Variants in PSMD14 observed in about 807,000 individuals in gnomAD.
The protein encoded by PSMD14 is ubiquitin C-terminal hydrolase PSMD14.
Under a neutral mutation model 41.2 loss-of-function variants are expected in PSMD14, and 7 were observed. The ratio of observed to expected loss-of-function variants is 0.17; its 90% CI spans 0.10 to 0.32. The LOEUF (loss-of-function observed/expected upper bound fraction) is 0.32, where lower values mean the gene tolerates loss of function less well. Ranked by LOEUF, PSMD14 falls within the 10% of genes least tolerant of loss-of-function variation. The pLI is 1.00. For missense variants in PSMD14, 139 were observed against 375.6 expected, an observed-to-expected ratio of 0.37 and a Z score of 5.21; for synonymous variants, 114 against 122.3, an observed-to-expected ratio of 0.93 and a Z score of 0.45.
At chr2:161,355,703 G>A (rs1479349387) in intron 3 of PSMD14, among the ~76,000 whole-genome samples, 6 of 152,074 alleles carry the variant, frequency 3.9e-5, no homozygotes, top group Non-Finnish European at 7.4e-5. Flanking sequence ...TAATTGGAAA[G>A]GTGTATTAAC....
chr2:161,372,917 G>A (rs763885310), intron 7 of PSMD14, among the ~76,000 whole-genome samples: 8 of 151,740 alleles, frequency 5.3e-5, no homozygotes, highest in East Asian at 1.9e-4. Context: ...TTCAACTTAG[G>A]TTTTATGATA....
At chr2:161,354,342 C>T (rs1027665640) in intron 3 of PSMD14, among the ~76,000 whole-genome samples, 2 of 152,152 alleles carry the variant, frequency 1.3e-5, no homozygotes, top group Non-Finnish European at 2.9e-5. Flanking sequence ...ACTTCCCAGG[C>T]TCAAATGATC....
chr2:161,338,341 G>GT (rs34156868), intron 3 of PSMD14, among the ~76,000 whole-genome samples: 51 of 133,052 alleles, frequency 3.8e-4, no homozygotes, highest in South Asian at 1.9e-3. Context: ...GGTTAGGAGA[G>GT]TTTTTTTTTT....
chr2:161,317,424 A>G (rs1689158899), intron 2 of PSMD14, among the ~76,000 whole-genome samples: 1 of 152,198 alleles, frequency 6.6e-6, no homozygotes, highest in Non-Finnish European at 1.5e-5. Flanking sequence ...CAGCCAAACT[A>G]ATCTGTGCTG....
At chr2:161,385,635 T>G in intron 8 of PSMD14, 64 bp downstream of exon 8, 1 of 904,312 alleles carries the variant, frequency 1.1e-6, no homozygotes, top group Non-Finnish European at 1.7e-6. Flanking sequence ...CTATAAGTAG[T>G]CTTTTTAAGT....
At chr2:161,311,159 A>G (rs1303868977) in intron 1 of PSMD14, among the ~76,000 whole-genome samples, 1 of 152,080 alleles carries the variant, frequency 6.6e-6, no homozygotes. Context: ...AAATACAAAA[A>G]TTAGCCGGGC....
intron 10 of PSMD14, among the ~76,000 whole-genome samples, chr2:161,405,089 A>G (rs995383265): frequency 2.0e-5 from 3 of 152,068 alleles, no homozygotes; most frequent in Admixed American, 2.0e-4. Flanking sequence ...CTTTTTCATG[A>G]CAGTTCCCTC....
intron 3 of PSMD14, among the ~76,000 whole-genome samples, chr2:161,338,634 G>A (rs1179452487): frequency 6.6e-6 from 1 of 152,066 alleles, no homozygotes; most frequent in Admixed American, 6.5e-5. Context: ...TAGGCCTTTT[G>A]TATGTTTTTA....
At chr2:161,392,797 A>G (rs1379829069) in intron 9 of PSMD14, among the ~76,000 whole-genome samples, 4 of 152,148 alleles carry the variant, frequency 2.6e-5, no homozygotes, top group South Asian at 2.1e-4. Context: ...TTAAGTTTAC[A>G]TGGAATGAGT....
intron 10 of PSMD14, among the ~76,000 whole-genome samples, chr2:161,403,124 T>G (rs1210807877): frequency 6.6e-6 from 1 of 152,168 alleles, no homozygotes; most frequent in African/African-American, 2.4e-5. Context: ...TCACATTAGC[T>G]AAAGTTGGAG....
chr2:161,330,688 G>A (rs1319199014), intron 3 of PSMD14, among the ~76,000 whole-genome samples: 1 of 152,180 alleles, frequency 6.6e-6, no homozygotes. Context: ...CCAGAGCAGG[G>A]CAGTGGTCTC....
intron 3 of PSMD14, among the ~76,000 whole-genome samples, chr2:161,349,163 T>TA (rs1388171875): frequency 6.6e-6 from 1 of 152,248 alleles, no homozygotes; most frequent in Non-Finnish European, 1.5e-5. Context: ...AAACTGCAAT[T>TA]ACTTTTGCAT....
At chr2:161,324,557 G>T (rs1682665337) in intron 3 of PSMD14, among the ~76,000 whole-genome samples, 1 of 152,034 alleles carries the variant, frequency 6.6e-6, no homozygotes, top group South Asian at 2.1e-4. Context: ...GGTTATGAAA[G>T]GTGTTGAATG....
chr2:161,346,174 T>C (rs530905989), intron 3 of PSMD14, among the ~76,000 whole-genome samples: 1 of 152,332 alleles, frequency 6.6e-6, no homozygotes, highest in Non-Finnish European at 1.5e-5. Context: ...TGAGCCACCG[T>C]GCTCGGCCAT....
intron 4 of PSMD14, 103 bp from the exon 5 acceptor site, chr2:161,367,681 A>AG: frequency 2.6e-6 from 2 of 783,928 alleles, no homozygotes; most frequent in Non-Finnish European, 3.7e-6. Context: ...TTATAAAAGG[A>AG]GTTTTTATTT....
Position 161,333,867 on chromosome 2 carries a change from C to T in PSMD14, c.48+14994C>T, listed in dbSNP as rs142206787. 7.2e-5 allele frequency among the ~76,000 whole-genome samples: 11 copies of T among 151,994 alleles called. No homozygotes were observed. In the East Asian group the frequency reaches 1.7e-3, roughly 24 times the overall value. ...TCAGCATGGTGAAACCCCATCTCTA[C>T]TAAAAATACAAAAATTAGCCAGGCA... On this transcript the variant is annotated intron_variant, in intron 3 of 11. Coordinates refer to ENST00000409682, the MANE Select transcript of PSMD14 (RefSeq NM_005805.6).
chr2:161,340,206 A>AG (rs1574121602), intron 3 of PSMD14, among the ~76,000 whole-genome samples: 1 of 152,124 alleles, frequency 6.6e-6, no homozygotes, highest in East Asian at 1.9e-4. Context: ...ATGAAAAATA[A>AG]GGGGAATGGT....
chr2:161,354,747 T>C (rs1314448801), intron 3 of PSMD14, among the ~76,000 whole-genome samples: 1 of 152,216 alleles, frequency 6.6e-6, no homozygotes, highest in Non-Finnish European at 1.5e-5. Context: ...AAGGGTGGTC[T>C]TAAAGGGAAA....
intron 3 of PSMD14, among the ~76,000 whole-genome samples, chr2:161,329,349 T>C (rs1002938021): frequency 6.6e-6 from 1 of 152,170 alleles, no homozygotes; most frequent in African/African-American, 2.4e-5. Flanking sequence ...CTGTCATAAA[T>C]ACAAGCTTTA....
Sources: allele counts gnomAD v4.1 joint callset (sites outside exome capture counted in the v4.1 genomes callset), GRCh38; gene constraint gnomAD v4.1.1; transcripts MANE v1.5; gene names NCBI Gene and HGNC (gene_info 2026-07-23, HGNC 2026-07-21).